The following PTPRG variants were observed in gnomAD, a reference collection of about 807,000 sequenced individuals.
The protein encoded by PTPRG is receptor-type tyrosine-protein phosphatase gamma.
PTPRG carries 102 observed loss-of-function variants against 165.3 expected under a neutral mutation model. That is an observed-to-expected ratio of 0.62 (90% CI 0.53 to 0.73). The LOEUF (loss-of-function observed/expected upper bound fraction) is 0.73. PTPRG is among the 30% of genes least tolerant of loss of function. The pLI is 0.00. For missense variants in PTPRG, 1,866 were observed against 1,861.4 expected, an observed-to-expected ratio of 1.00 and a Z score of -0.05; for synonymous variants, 675 against 669.5, an observed-to-expected ratio of 1.01 and a Z score of -0.13.
rs138030857 is a variant in PTPRG at position 62,115,915 on chromosome 3, T to C, written c.616-16687T>C. Among the ~76,000 whole-genome samples, 452 of 152,338 alleles carry C rather than the reference T, an allele frequency of 3.0e-3. 4 individuals are homozygous for C. The highest frequency in any genetic ancestry group is 3.5e-3 in the South Asian group (17 of 4,834). On this transcript the variant is annotated intron_variant, in intron 5 of 29. Transcript: ENST00000474889. ...AATAAGTTTCCTATGATGTTTTTAA[T>C]TTGCCGGTCAAGGTTTCAGTATATT... is the stretch of plus-strand genomic sequence containing the variant.
chr3:61,623,087 G>A (rs12635719), intron 1 of PTPRG, among the ~76,000 whole-genome samples: 18,970 of 152,128 alleles, frequency 0.12, 1,339 homozygotes, highest in African/African-American at 0.19. Flanking sequence ...TTCCTTGATT[G>A]TAAACAATAG....
intron 2 of PTPRG, among the ~76,000 whole-genome samples, chr3:61,812,683 CAA>C (rs1575684152): frequency 6.6e-6 from 1 of 152,344 alleles, no homozygotes; most frequent in Non-Finnish European, 1.5e-5. Flanking sequence ...CAAAATGACT[CAA>C]GAGTCTTTAA....
chr3:61,608,497 G>A (rs1311362281), intron 1 of PTPRG, among the ~76,000 whole-genome samples: 1 of 152,188 alleles, frequency 6.6e-6, no homozygotes, highest in Non-Finnish European at 1.5e-5. Context: ...TGTGGGTGCT[G>A]CCAGGATGTG....
intron 27 of PTPRG, among the ~76,000 whole-genome samples, chr3:62,282,082 A>T (rs1443956665): frequency 6.6e-6 from 1 of 152,060 alleles, no homozygotes; most frequent in Non-Finnish European, 1.5e-5. Flanking sequence ...ATGAGTAAGC[A>T]TGGGGGGGCT....
intron 2 of PTPRG, among the ~76,000 whole-genome samples, chr3:61,901,998 G>A (rs567502131): frequency 3.3e-5 from 5 of 152,240 alleles, no homozygotes; most frequent in South Asian, 2.1e-4. Context: ...GTAATGAAAC[G>A]TGGTAATAAA....
chr3:62,053,535 G>A (rs1041752734), intron 4 of PTPRG, among the ~76,000 whole-genome samples: 3 of 152,070 alleles, frequency 2.0e-5, no homozygotes, highest in Admixed American at 6.5e-5. Context: ...CCAAAGTTGT[G>A]GGATTACAGG....
chr3:62,234,503 T>C (rs955559850), intron 14 of PTPRG, among the ~76,000 whole-genome samples: 7 of 152,022 alleles, frequency 4.6e-5, no homozygotes, highest in African/African-American at 1.2e-4. Flanking sequence ...TTGTCAAACT[T>C]TGGCCTTTTT....
intron 2 of PTPRG, among the ~76,000 whole-genome samples, chr3:61,959,154 A>G (rs1405613105): frequency 1.3e-5 from 2 of 152,160 alleles, no homozygotes; most frequent in African/African-American, 4.8e-5. Flanking sequence ...TGCAAATCTA[A>G]GGCCTCAATA....
At chr3:61,737,915 T>TTTG (rs2032781313) in intron 1 of PTPRG, among the ~76,000 whole-genome samples, 2 of 5,968 alleles carry the variant, frequency 3.4e-4, no homozygotes, top group Non-Finnish European at 6.7e-4. Flanking sequence ...GGTTTTTTTG[T>TTTG]TTTTTTTTTT....
chr3:62,124,175 T>C (rs1202475520), intron 5 of PTPRG: 2 of 738,214 alleles, frequency 2.7e-6, no homozygotes, highest in Non-Finnish European at 4.7e-6. Flanking sequence ...GTCGTTGTTG[T>C]GCAAAGAAAA....
At chr3:61,603,964 A>G (rs941422009) in intron 1 of PTPRG, among the ~76,000 whole-genome samples, 1 of 152,170 alleles carries the variant, frequency 6.6e-6, no homozygotes, top group Non-Finnish European at 1.5e-5. Context: ...TTTCCAAATC[A>G]TGTCACATTC....
At chr3:61,646,496 A>C (rs4688649) in intron 1 of PTPRG, among the ~76,000 whole-genome samples, 68,121 of 151,960 alleles carry the variant, frequency 0.45, 16,761 homozygotes, top group African/African-American at 0.66. Flanking sequence ...CATTCAAAAC[A>C]TTATTCCCCT....
chr3:62,284,640 C>G (rs1226126538), intron 28 of PTPRG, among the ~76,000 whole-genome samples: 1 of 152,096 alleles, frequency 6.6e-6, no homozygotes, highest in Non-Finnish European at 1.5e-5. Context: ...TTCTGTACCT[C>G]TAAACATCAC....
At chr3:61,597,653 G>C (rs1421275791) in intron 1 of PTPRG, among the ~76,000 whole-genome samples, 1 of 150,766 alleles carries the variant, frequency 6.6e-6, no homozygotes, top group Non-Finnish European at 1.5e-5. Context: ...TGGATTTCCT[G>C]TGTGTTGTGG....
chr3:61,807,855 G>T (rs1190906261), intron 2 of PTPRG, among the ~76,000 whole-genome samples: 1 of 152,208 alleles, frequency 6.6e-6, no homozygotes, highest in East Asian at 1.9e-4. Context: ...CTGCAAAGCA[G>T]CTCAGAGAAT....
Position 62,213,237 on chromosome 3 carries a change from G to A in PTPRG, c.2156-5614G>A, listed in dbSNP as rs1700409399. ...AAAGAAAAGAATGAACATTTCTTGG[G>A]CACCTCCTCTGTGTCAGGCACTGTG... On this transcript the variant is annotated intron_variant, in intron 12 of 29. Coordinates refer to ENST00000474889, the MANE Select transcript of PTPRG (RefSeq NM_002841.4). The surrounding 1 kb of genome is among the most constrained non-coding windows in gnomAD (Gnocchi z 4.4). 6.6e-6 allele frequency among the ~76,000 whole-genome samples: 1 copy of A among 152,128 alleles called. No homozygotes were observed. Among genetic ancestry groups the A allele is most frequent in the African/African-American group, 2.4e-5 (1 of 41,420 alleles).
intron 4 of PTPRG, among the ~76,000 whole-genome samples, chr3:62,065,953 G>T (rs1339419406): frequency 1.3e-5 from 2 of 152,222 alleles, no homozygotes; most frequent in African/African-American, 4.8e-5. Context: ...TGTTTTGGAT[G>T]TGTGTTCTCA....
chr3:62,122,369 C>T (rs1035943534), intron 5 of PTPRG, among the ~76,000 whole-genome samples: 1 of 152,132 alleles, frequency 6.6e-6, no homozygotes, highest in Admixed American at 6.5e-5. Flanking sequence ...AGGGAATGGC[C>T]TGTGAGGTAT....
chr3:62,004,355 AG>A (rs1440103996), intron 4 of PTPRG, among the ~76,000 whole-genome samples: 1 of 152,234 alleles, frequency 6.6e-6, no homozygotes, highest in Non-Finnish European at 1.5e-5. Context: ...GGATAAACAT[AG>A]AAATTGACCC....
Sources: allele counts gnomAD v4.1 joint callset (sites outside exome capture counted in the v4.1 genomes callset), GRCh38; gene constraint gnomAD v4.1.1; non-coding constraint Gnocchi (gnomAD v3.1); transcripts MANE v1.5; gene names NCBI Gene and HGNC (gene_info 2026-07-23, HGNC 2026-07-21).